PDE4C: variants seen among roughly 807,000 people sequenced by gnomAD.
PDE4C encodes 3',5'-cyclic-AMP phosphodiesterase 4C.
A neutral mutation model predicts 63.9 loss-of-function variants in PDE4C; 50 were observed. The observed-to-expected ratio is 0.78, with a 90% confidence interval of 0.62 to 0.99. The LOEUF is 0.99. PDE4C is among the 50% of genes least tolerant of loss of function. PDE4C has a pLI of 0.00. For missense variants in PDE4C, 777 were observed against 899.1 expected, an observed-to-expected ratio of 0.86 and a Z score of 1.74; for synonymous variants, 377 against 385.1, an observed-to-expected ratio of 0.98 and a Z score of 0.25.
chr19:18,250,734 G>A (rs1969220381), upstream of PDE4C, among the ~76,000 whole-genome samples: 1 of 151,276 alleles, frequency 6.6e-6, no homozygotes. Flanking sequence ...AGCCTCCCAA[G>A]TAGCTAGGAT....
upstream of PDE4C, chr19:18,226,518 GGCCCC>G: frequency 3.2e-6 from 3 of 930,510 alleles, no homozygotes; most frequent in Non-Finnish European, 4.3e-6. Flanking sequence ...AGGGCGCATC[GGCCCC>G]GCCTCGAGGC....
intron 1 of PDE4C, among the ~76,000 whole-genome samples, chr19:18,246,924 C>G (rs888681095): frequency 3.3e-5 from 5 of 152,126 alleles, no homozygotes; most frequent in African/African-American, 4.8e-5. Flanking sequence ...GAGACCCTGT[C>G]TAAAAAACAA....
intron 1 of PDE4C, among the ~76,000 whole-genome samples, chr19:18,244,571 G>T (rs1374413960): frequency 6.6e-6 from 1 of 152,116 alleles, no homozygotes; most frequent in Non-Finnish European, 1.5e-5. Context: ...GGAGTGCAAT[G>T]ACGCGATCTT....
Position 18,216,649 on chromosome 19 carries a change from A to G in PDE4C, c.1389+92T>C, listed in dbSNP as rs894092180. The stretch of plus-strand genomic sequence containing the variant: ...CCTGGGTCTGGATGAACCGCCGGCC[A>G]TGCCAATATCACCCCACCCTGCTGT... On this transcript the variant is annotated intron_variant, in intron 12 of 14. Transcript: ENST00000262805. The G allele has an allele frequency of 3.1e-6, 4 of 1,302,846 alleles. No individual in the cohort carries two copies. The African/African-American group carries it at 4.4e-5, about 14-fold the overall frequency. 80.7% of individuals were successfully genotyped at this position (1,302,846 alleles called of 1,614,324 possible). A position where few individuals can be genotyped will look rare whatever the true frequency, so the allele number is the denominator to read the frequency against.
At position 18,219,309 on chromosome 19, in the gene PDE4C, G is replaced by T; in HGVS notation, c.795C>A (p.Cys265Ter). 6.2e-7 allele frequency: 1 copy of T among 1,614,164 alleles called. No homozygotes were observed. The highest frequency in any genetic ancestry group is 8.5e-7 in the Non-Finnish European group (1 of 1,180,036). ...TGGCTGAGGAGAGGCTGGCACTGTG[G>T]CAGAGCCCATGTAGGCCACTGATCC... Residue 265 changes from cysteine to a stop codon, truncating the protein, a stop_gained, in exon 8 of 15, where the codon TGC (cysteine) becomes TGA (stop). Coordinates refer to ENST00000262805, the Ensembl canonical transcript of PDE4C. LOFTEE classifies it high-confidence loss of function.
At chr19:18,250,414 C>T, upstream of PDE4C, 1 of 399,144 alleles carries the variant, frequency 2.5e-6, no homozygotes, top group Non-Finnish European at 4.4e-6. Context: ...CCAGCAAACA[C>T]ACGACCACCA....
upstream of PDE4C, chr19:18,250,393 C>A: frequency 2.5e-6 from 1 of 399,108 alleles, no homozygotes. Flanking sequence ...ACCCGATGAG[C>A]AAAAGAGACA....
chr19:18,239,324 A>G (rs942163404), intron 1 of PDE4C, among the ~76,000 whole-genome samples: 3 of 152,218 alleles, frequency 2.0e-5, no homozygotes, highest in African/African-American at 4.8e-5. Context: ...GGCTCTGGGT[A>G]AATGCTGGAT....
chr19:18,226,028 AT>A (rs1968704252), intron 1 of PDE4C, among the ~76,000 whole-genome samples: 1 of 152,184 alleles, frequency 6.6e-6, no homozygotes, highest in Non-Finnish European at 1.5e-5. Context: ...CTGGGCCTAT[AT>A]CCAGGCGGCG....
intron 1 of PDE4C, among the ~76,000 whole-genome samples, chr19:18,244,991 A>G (rs1216019158): frequency 6.6e-6 from 1 of 151,884 alleles, no homozygotes; most frequent in Non-Finnish European, 1.5e-5. Flanking sequence ...GCGTGCCACC[A>G]TGCACTGCTA....
rs1252135934 is a variant in PDE4C at position 18,211,760 on chromosome 19, TG to T, written c.1693del (p.Gln565ArgfsTer64). On this transcript the variant is annotated frameshift_variant and splice_region_variant, in exon 14 of 15. Coordinates refer to ENST00000262805, the Ensembl canonical transcript of PDE4C. LOFTEE classifies it low-confidence loss of function (END_TRUNC). ...GGTTCAGCCCAGTCCCCTGCCAACC[TG>T]GGACTTCTCCACTGAGGCCGTATGC... 1 of 1,614,024 alleles carries T rather than the reference TG, an allele frequency of 6.2e-7. No homozygotes were observed. The highest frequency in any genetic ancestry group is 1.3e-5 in the African/African-American group (1 of 74,940).
upstream of PDE4C, among the ~76,000 whole-genome samples, chr19:18,253,036 A>G (rs9305094): frequency 0.31 from 46,923 of 152,126 alleles, 7,468 homozygotes; most frequent in South Asian, 0.44. Context: ...CCTGGTCTGA[A>G]GTCCCACAGC....
chr19:18,221,076 G>GC, intron 4 of PDE4C, 29 bp downstream of exon 4: 56 of 724,414 alleles, frequency 7.7e-5, no homozygotes, highest in Non-Finnish European at 1.0e-4. Context: ...TGCCGGCCCC[G>GC]CCCCCGCCCC....
rs1333903540 is a variant in PDE4C at position 18,222,444 on chromosome 19, A to G, written c.147-121T>C. 62 of 866,416 alleles carry G rather than the reference A, an allele frequency of 7.2e-5. No individual in the cohort carries two copies. In the East Asian group the frequency reaches 1.6e-3, roughly 22 times the overall value. The allele number at this position is 866,416 out of a possible 1,614,324, so 53.7% of individuals were successfully genotyped here. A position where few individuals can be genotyped will look rare whatever the true frequency, so the allele number is the denominator to read the frequency against. On this transcript the variant is annotated intron_variant, in intron 1 of 14. Coordinates refer to ENST00000262805, the Ensembl canonical transcript of PDE4C. Reference sequence around the variant, plus strand: ...TGGCAGTCAGGCAAGTGTGGTTTCCAGCTTGTTCACCTGCCCCCAGCTACA... The same window carrying G: ...TGGCAGTCAGGCAAGTGTGGTTTCCGGCTTGTTCACCTGCCCCCAGCTACA...
At chr19:18,233,231 T>A in exon 1 of PDE4C, 1 of 1,546,914 alleles carries the variant, frequency 6.5e-7, no homozygotes, top group Non-Finnish European at 8.7e-7. Flanking sequence ...GGAGCAGGAC[T>A]CGTCCCCGTG....
intron 1 of PDE4C, chr19:18,224,190 G>A: frequency 1.0e-6 from 1 of 985,180 alleles, no homozygotes; most frequent in South Asian, 4.7e-5. Flanking sequence ...AGAGGTCAGA[G>A]AAAGGGCGTA....
intron 12 of PDE4C, among the ~76,000 whole-genome samples, chr19:18,215,302 C>T (rs1747794093): frequency 6.6e-6 from 1 of 152,118 alleles, no homozygotes; most frequent in African/African-American, 2.4e-5. Flanking sequence ...CTGGTCTGGG[C>T]TCCGAAAGCA....
intron 12 of PDE4C, 33 bp downstream of exon 12, chr19:18,216,707 GC>G: frequency 6.5e-7 from 1 of 1,533,042 alleles, no homozygotes; most frequent in Admixed American, 1.9e-5. Flanking sequence ...GCTCCCCTCT[GC>G]CCCTCCCGCC....
upstream of PDE4C, among the ~76,000 whole-genome samples, chr19:18,234,465 C>A (rs1968915851): frequency 6.6e-6 from 1 of 152,144 alleles, no homozygotes; most frequent in Non-Finnish European, 1.5e-5. Context: ...CTGGGAAGTG[C>A]AAGGATGGGT....
Sources: allele counts gnomAD v4.1 joint callset (sites outside exome capture counted in the v4.1 genomes callset), GRCh38; gene constraint gnomAD v4.1.1; transcripts MANE v1.5; gene names NCBI Gene and HGNC (gene_info 2026-07-23, HGNC 2026-07-21).